LRRIQ1: variants seen among roughly 807,000 people sequenced by gnomAD.
LRRIQ1 encodes leucine-rich repeat- and IQ domain-containing protein 1.
In LRRIQ1, 210 loss-of-function variants were observed where a neutral mutation model predicts 211.9. The observed-to-expected ratio is 0.99, with a 90% confidence interval of 0.89 to 1.11. The LOEUF is 1.11. LRRIQ1 is among the 50% of genes most tolerant of loss of function. The probability of loss-of-function intolerance (pLI) is 0.00; values close to 1 mark genes in which losing one functional copy is unlikely to be tolerated. For missense variants in LRRIQ1, 2,136 were observed against 1,939.5 expected (o/e 1.10, Z -1.90); for synonymous variants, 699 against 650.1 (o/e 1.08, Z -1.14).
chr12:85,104,606 C>G (rs1483215645), intron 14 of LRRIQ1, among the ~76,000 whole-genome samples: 1 of 151,850 alleles, frequency 6.6e-6, no homozygotes, highest in African/African-American at 2.4e-5. Flanking sequence ...ATCTGACATT[C>G]TACCACTTTA....
At chr12:85,196,915 T>C (rs1474772216) in intron 24 of LRRIQ1, among the ~76,000 whole-genome samples, 4 of 152,072 alleles carry the variant, frequency 2.6e-5, no homozygotes, top group African/African-American at 4.8e-5. Flanking sequence ...AGAAAATTTT[T>C]GCAACCTACT....
chr12:85,250,054 A>G (rs1895858379), downstream of LRRIQ1, among the ~76,000 whole-genome samples: 1 of 151,834 alleles, frequency 6.6e-6, no homozygotes, highest in African/African-American at 2.4e-5. Context: ...TTAATTAAAT[A>G]TTCTAGATAC....
At chr12:85,072,157 A>C (rs1220112601) in intron 10 of LRRIQ1, among the ~76,000 whole-genome samples, 3 of 151,958 alleles carry the variant, frequency 2.0e-5, no homozygotes, top group African/African-American at 7.2e-5. Context: ...TGACATGTAG[A>C]TATTTTCATC....
At chr12:85,256,729 T>C (rs1896105965) in intron 1 of LRRIQ1, among the ~76,000 whole-genome samples, 1 of 151,366 alleles carries the variant, frequency 6.6e-6, no homozygotes, top group African/African-American at 2.4e-5. Flanking sequence ...TGACAGTTTC[T>C]AACATTATGT....
chr12:85,205,225 C>A (rs1167587451), intron 24 of LRRIQ1, among the ~76,000 whole-genome samples: 1 of 152,128 alleles, frequency 6.6e-6, no homozygotes, highest in Non-Finnish European at 1.5e-5. Context: ...AACTGTAAAT[C>A]CAATTAAACC....
chr12:85,054,676 A>C (rs1384528189), intron 7 of LRRIQ1, among the ~76,000 whole-genome samples: 2 of 151,598 alleles, frequency 1.3e-5, no homozygotes, highest in African/African-American at 2.4e-5. Flanking sequence ...GTAATCAGCT[A>C]TCCAGCCATT....
intron 11 of LRRIQ1, among the ~76,000 whole-genome samples, chr12:85,074,509 T>C (rs1883432599): frequency 6.6e-6 from 1 of 151,962 alleles, no homozygotes; most frequent in Admixed American, 6.6e-5. Context: ...TATCATGCTG[T>C]TGTGCTATCA....
chr12:85,217,723 T>A (rs1210171390), intron 24 of LRRIQ1, among the ~76,000 whole-genome samples: 16 of 112,410 alleles, frequency 1.4e-4, no homozygotes, highest in African/African-American at 1.3e-3. Flanking sequence ...TATATATGTA[T>A]ATATGTGTAT....
intron 24 of LRRIQ1, among the ~76,000 whole-genome samples, chr12:85,223,091 A>G (rs1354742448): frequency 2.0e-5 from 3 of 152,190 alleles, no homozygotes; most frequent in Non-Finnish European, 4.4e-5. Flanking sequence ...TAGTAGGATG[A>G]TGATGGTAAA....
intron 12 of LRRIQ1, 133 bp downstream of exon 12, chr12:85,098,681 GAATATTA>G (rs1316699786): frequency 1.3e-6 from 1 of 783,344 alleles, no homozygotes; most frequent in African/African-American, 1.8e-5. Flanking sequence ...CCTTTATCAA[GAATATTA>G]AATATTATAC....
chr12:85,118,184 T>C (rs1232971176), intron 15 of LRRIQ1, among the ~76,000 whole-genome samples: 1 of 152,136 alleles, frequency 6.6e-6, no homozygotes, highest in Non-Finnish European at 1.5e-5. Context: ...ATGTATGTTA[T>C]TTATTCCTTT....
Position 85,079,966 on chromosome 12 carries a change from C to A in LRRIQ1, c.2887+6868C>A, listed in dbSNP as rs116417522. Among the ~76,000 whole-genome samples, 1,353 of 151,992 alleles carry A rather than the reference C, an allele frequency of 8.9e-3. 21 individuals carry two copies. The highest frequency in any genetic ancestry group is 0.031 in the African/African-American group (1,306 of 41,498). ...TATTTTGTCTTTCATCTACAATGTT[C>A]CTTCTGCCCAAAGAATATCTATTAG... On this transcript the variant is annotated intron_variant, in intron 11 of 26. Transcript: ENST00000393217.
At chr12:85,193,863 A>G (rs1892736566) in intron 24 of LRRIQ1, among the ~76,000 whole-genome samples, 2 of 149,934 alleles carry the variant, frequency 1.3e-5, no homozygotes, top group Admixed American at 6.7e-5. Context: ...CTCCAATTAA[A>G]AGACACAGAC....
downstream of LRRIQ1, chr12:85,264,493 T>C (rs1412674296): frequency 6.6e-6 from 1 of 152,072 alleles, no homozygotes; most frequent in African/African-American, 2.4e-5. Context: ...TATAGTGCTG[T>C]TTATTGTGTT....
intron 11 of LRRIQ1, among the ~76,000 whole-genome samples, chr12:85,082,449 C>T (rs2136175168): frequency 6.6e-6 from 1 of 151,390 alleles, no homozygotes; most frequent in Non-Finnish European, 1.5e-5. Flanking sequence ...TTTATTGTAT[C>T]TATTTGTCTG....
At chr12:85,102,018 C>A (rs1886384966) in intron 13 of LRRIQ1, among the ~76,000 whole-genome samples, 1 of 151,508 alleles carries the variant, frequency 6.6e-6, no homozygotes, top group Non-Finnish European at 1.5e-5. Context: ...TTTCAAAATC[C>A]TTTCACTGGA....
chr12:85,091,439 T>G (rs972695636), intron 11 of LRRIQ1, among the ~76,000 whole-genome samples: 27 of 152,202 alleles, frequency 1.8e-4, no homozygotes, highest in African/African-American at 6.3e-4. Flanking sequence ...TCTCCTATTC[T>G]ATAGGTTGTC....
At chr12:85,265,649 A>G (rs1896402658), downstream of LRRIQ1, among the ~76,000 whole-genome samples, 1 of 152,020 alleles carries the variant, frequency 6.6e-6, no homozygotes, top group Non-Finnish European at 1.5e-5. Flanking sequence ...TACTTAAAAT[A>G]TGGCTAATCT....
At chr12:85,185,466 A>T (rs1892181038) in intron 24 of LRRIQ1, among the ~76,000 whole-genome samples, 1 of 151,930 alleles carries the variant, frequency 6.6e-6, no homozygotes, top group Admixed American at 6.6e-5. Flanking sequence ...TATTTTAAAG[A>T]TGATTTGTGA....
Sources: gnomAD v4.1 joint callset for allele counts (sites outside exome capture counted in the v4.1 genomes callset) on GRCh38, gnomAD v4.1.1 for gene constraint, MANE v1.5 for transcripts, NCBI Gene and HGNC (gene_info 2026-07-23, HGNC 2026-07-21) for gene names.